NLRC5: variants seen among roughly 807,000 people sequenced by gnomAD.
NLRC5 encodes the protein NLR family CARD domain containing 5, also known as protein NLRC5.
NLRC5 carries 114 observed loss-of-function variants against 206.9 expected under a neutral mutation model. The observed-to-expected ratio is 0.55, with a 90% CI of 0.47 to 0.64. The LOEUF is 0.64. Among genes scored for constraint, NLRC5 ranks in the 30% least tolerant of loss-of-function variants. The probability of loss-of-function intolerance (pLI) is 0.00; values close to 1 mark genes in which losing one functional copy is unlikely to be tolerated. For synonymous variants in NLRC5, 952 were observed against 962.8 expected, an observed-to-expected ratio of 0.99 and a Z score of 0.21; for missense variants, 2,008 against 2,305.5, an observed-to-expected ratio of 0.87 and a Z score of 2.64.
At chr16:57,030,381 A>AGG (rs2061673762) in intron 10 of NLRC5, among the ~76,000 whole-genome samples, 2 of 55,594 alleles carry the variant, frequency 3.6e-5, no homozygotes, top group African/African-American at 1.3e-4. Context: ...GGTGGATGAA[A>AGG]AGATGGATGG....
At chr16:57,059,910 GATA>G (rs367644171) in intron 30 of NLRC5, among the ~76,000 whole-genome samples, 75 of 152,228 alleles carry the variant, frequency 4.9e-4, no homozygotes, top group African/African-American at 1.7e-3. Flanking sequence ...GTAAAATGGG[GATA>G]ATAACACAAC....
intron 47 of NLRC5, 131 bp from the exon 48 acceptor site, chr16:57,081,396 G>A: frequency 1.0e-6 from 1 of 965,020 alleles, no homozygotes; most frequent in South Asian, 1.5e-5. Flanking sequence ...GTTGTCTTTT[G>A]GGTTCCCTGA....
intron 14 of NLRC5, among the ~76,000 whole-genome samples, chr16:57,036,942 G>C (rs574485411): frequency 1.6e-4 from 24 of 152,226 alleles, no homozygotes; most frequent in Admixed American, 1.5e-3. Context: ...GAGAAAACTG[G>C]GGGTCAGAGA....
intron 11 of NLRC5, 149 bp downstream of exon 11, chr16:57,031,612 T>C (rs2061893640): frequency 2.7e-6 from 2 of 742,346 alleles, no homozygotes; most frequent in East Asian, 2.7e-5. Flanking sequence ...GAATTACTGC[T>C]TAGGTTGGCA....
chr16:57,052,662 C>G (rs1052015745), intron 24 of NLRC5: 6 of 151,956 alleles, frequency 3.9e-5, no homozygotes, highest in African/African-American at 1.5e-4. Context: ...TAAGATGGCT[C>G]GCATCACCTC....
At chr16:57,047,686 G>C in intron 23 of NLRC5, 58 bp downstream of exon 23, 1 of 1,431,326 alleles carries the variant, frequency 7.0e-7, no homozygotes, top group Non-Finnish European at 9.7e-7. Context: ...CCAGTGACCT[G>C]GGAGGGGGCT....
At chr16:57,033,116 A>G (rs1345658593) in intron 11 of NLRC5, among the ~76,000 whole-genome samples, 5 of 152,146 alleles carry the variant, frequency 3.3e-5, no homozygotes, top group Non-Finnish European at 4.4e-5. Context: ...TCTGTGGTTT[A>G]CCATAGCCTG....
intron 36 of NLRC5, among the ~76,000 whole-genome samples, chr16:57,068,818 T>C (rs191396003): frequency 3.9e-4 from 60 of 152,372 alleles, no homozygotes; most frequent in African/African-American, 1.4e-3. Context: ...CTTTAGTGTC[T>C]CCTTCAATCT....
chr16:57,039,171 T>C (rs1235292632), intron 15 of NLRC5, among the ~76,000 whole-genome samples: 2 of 152,270 alleles, frequency 1.3e-5, no homozygotes, highest in East Asian at 1.9e-4. Context: ...CACACATACT[T>C]TGAGCACAGA....
intron 1 of NLRC5, among the ~76,000 whole-genome samples, chr16:57,015,995 A>G (rs1288488252): frequency 6.6e-6 from 1 of 151,582 alleles, no homozygotes; most frequent in Non-Finnish European, 1.5e-5. Flanking sequence ...CAGGCAGATC[A>G]CTTGAAGTCA....
At chr16:57,024,564 T>A (rs1469852788) in intron 5 of NLRC5, among the ~76,000 whole-genome samples, 4 of 152,202 alleles carry the variant, frequency 2.6e-5, no homozygotes, top group Non-Finnish European at 4.4e-5. Context: ...AAGGTTAACA[T>A]CTGGCACTGT....
chr16:57,067,345 G>T, intron 34 of NLRC5, 42 bp from the exon 35 acceptor site: 1 of 1,525,554 alleles, frequency 6.6e-7, no homozygotes, highest in South Asian at 1.1e-5. Flanking sequence ...CCACATACTG[G>T]ACTAGATGTT....
rs1379512104 is a variant in NLRC5, at chr16:57,037,757, G to T, written c.2801+473G>T. Among the ~76,000 whole-genome samples, 4 of 152,168 alleles carry T rather than the reference G, an allele frequency of 2.6e-5. No individual in the cohort carries two copies. In the East Asian group the frequency reaches 5.8e-4, roughly 22 times the overall value. On this transcript the variant is annotated intron_variant, in intron 15 of 48. Coordinates refer to ENST00000688547, the MANE Select transcript of NLRC5 (RefSeq NM_001384950.1). The stretch of plus-strand genomic sequence containing the variant: ...TACCCCACTCACAGACCCAGGCTCT[G>T]CCACTAGGGAACCCAATCCTATTTC...
rs777671692 is a variant in NLRC5 at position 57,039,824 on chromosome 16, G to A, written c.2845G>A (p.Glu949Lys). ...TVIFMFAQEP[E>K]EQKGPQERAA... ...GATCTTCATGTTTGCCCAGGAGCCA[G>A]AGGAGCAGAAGGGGCCCCAGGAGAG... Residue 949 changes from glutamate to lysine, a missense_variant, in exon 16 of 49, where the codon GAG (glutamate) becomes AAG (lysine). Glu to Lys is a moderately conservative substitution (Grantham distance 56, BLOSUM62 1). Coordinates refer to ENST00000688547, the MANE Select transcript of NLRC5 (RefSeq NM_001384950.1). 2.8e-5 allele frequency: 45 copies of A among 1,614,114 alleles called. No individual in the cohort carries two copies. Among genetic ancestry groups the A allele is most frequent in the Admixed American group, 2.3e-4 (14 of 60,004 alleles).
rs372272703 is a variant in NLRC5 at position 57,023,827 on chromosome 16, G to A, written c.398G>A (p.Arg133Gln). Reference protein sequence around the residue: ...PHQSCGSSPRRKQCKKQQLEL... With the variant: ...PHQSCGSSPRQKQCKKQQLEL... ...CAGAGCTGTGGGTCCTCACCCCGCC[G>A]GAAGCAGTGCAAGAAGCAGCAGCTA... The change falls in exon 5 of 49, where the codon CGG becomes CAG. Residue 133 changes from arginine to glutamine, a missense_variant. By Grantham distance (43) the Arg-to-Gln change is conservative. Coordinates refer to ENST00000688547, the MANE Select transcript of NLRC5 (RefSeq NM_001384950.1). 337 of 1,611,660 alleles carry A rather than the reference G, an allele frequency of 2.1e-4. No individual in the cohort carries two copies. The highest frequency in any genetic ancestry group is 2.5e-4 in the Non-Finnish European group (295 of 1,178,910).
At chr16:57,031,265 C>G (rs943087340) in intron 10 of NLRC5, 139 bp from the exon 11 acceptor site, 49 of 807,358 alleles carry the variant, frequency 6.1e-5, no homozygotes, top group Middle Eastern at 2.3e-4. Flanking sequence ...TTTGCTAGTT[C>G]CGTTATGTTT....
chr16:57,045,429 G>T lies in NLRC5; in HGVS notation c.3204-19G>T. 6.2e-7 allele frequency: 1 copy of T among 1,614,074 alleles called. No individual in the cohort carries two copies. Among genetic ancestry groups the T allele is most frequent in the Non-Finnish European group, 8.5e-7 (1 of 1,179,988 alleles). On this transcript the variant is annotated intron_variant, in intron 20 of 48. Transcript: ENST00000688547. ...GGTCTTTGACCATTTTCAAACTGCTGCTTCCTCTCTGCTTCCAGCTTTGAA... is the reference window on the plus strand; with the variant it reads ...GGTCTTTGACCATTTTCAAACTGCTTCTTCCTCTCTGCTTCCAGCTTTGAA...
chr16:56,991,463 C>T (rs2056846944), intron 1 of NLRC5, among the ~76,000 whole-genome samples: 1 of 148,266 alleles, frequency 6.7e-6, no homozygotes, highest in African/African-American at 2.5e-5. Context: ...CTCACTGCAA[C>T]CTCCATCTCC....
intron 1 of NLRC5, among the ~76,000 whole-genome samples, chr16:57,008,520 A>G (rs2059159017): frequency 1.1e-5 from 1 of 92,914 alleles, no homozygotes; most frequent in South Asian, 3.1e-4. Flanking sequence ...AAAATTTATT[A>G]TATACCAAGC....
Sources: gnomAD v4.1 joint callset for allele counts (sites outside exome capture counted in the v4.1 genomes callset) on GRCh38, gnomAD v4.1.1 for gene constraint, MANE v1.5 for transcripts, NCBI Gene and HGNC (gene_info 2026-07-23, HGNC 2026-07-21) for gene names.